PEAK1: variants seen among roughly 807,000 people sequenced by gnomAD.
The protein encoded by PEAK1 is pseudopodium enriched atypical kinase 1, also known as inactive tyrosine-protein kinase PEAK1.
In PEAK1, 54 loss-of-function variants were observed where a neutral mutation model predicts 124.7. The observed-to-expected ratio is 0.43, with a 90% CI of 0.35 to 0.54. PEAK1 has a LOEUF of 0.54. Among genes scored for constraint, PEAK1 ranks in the 20% least tolerant of loss-of-function variants. PEAK1 has a pLI of 0.01. For missense variants in PEAK1, 2,046 were observed against 2,134.5 expected, an observed-to-expected ratio of 0.96 and a Z score of 0.82; for synonymous variants, 719 against 760.0, an observed-to-expected ratio of 0.95 and a Z score of 0.89.
intron 2 of PEAK1, among the ~76,000 whole-genome samples, chr15:77,357,260 A>G (rs546619622): frequency 6.2e-4 from 95 of 152,272 alleles, no homozygotes; most frequent in Non-Finnish European, 1.2e-3. Flanking sequence ...ACAGAGTAAG[A>G]CACTGTTTTT....
In PEAK1 at chr15:77,283,870, G is replaced by A. The variant is rs1461557200; in HGVS notation, c.-275+13C>T. 1 of 973,654 alleles carries A rather than the reference G, an allele frequency of 1.0e-6. No individual in the cohort carries two copies. Among genetic ancestry groups the A allele is most frequent in the African/African-American group, 1.8e-5 (1 of 56,956 alleles). The allele number at this position is 973,654 out of a possible 1,614,324, so 60.3% of individuals were successfully genotyped here. ...AATCAACTCATAGACCTTATTACTTGCCACTTCCTTACCTCTTTGTTACTG... is the reference window on the plus strand; with the variant it reads ...AATCAACTCATAGACCTTATTACTTACCACTTCCTTACCTCTTTGTTACTG... On this transcript the variant is annotated intron_variant, in intron 5 of 9. Transcript: ENST00000682557.
chr15:77,196,820 C>T (rs1387889852), intron 6 of PEAK1, among the ~76,000 whole-genome samples: 1 of 151,994 alleles, frequency 6.6e-6, no homozygotes, highest in Non-Finnish European at 1.5e-5. Context: ...AAACAATATA[C>T]TTTAACCTTC....
At chr15:77,128,081 G>GA (rs753604137) in intron 9 of PEAK1, among the ~76,000 whole-genome samples, 6,098 of 84,634 alleles carry the variant, frequency 0.072, 134 homozygotes, top group Non-Finnish European at 0.086. Flanking sequence ...TCCATCTCAA[G>GA]AAAAAAAAAA....
rs564788307 is a variant in PEAK1 at position 77,171,680 on chromosome 15, A to G, written c.3137+7110T>C. Reference sequence around the variant, plus strand: ...AGTTTCAGATAGCTAGAAGGAGGATACTGAATGTTGCCAACATGAAGAAAT... The same window carrying G: ...AGTTTCAGATAGCTAGAAGGAGGATGCTGAATGTTGCCAACATGAAGAAAT... On this transcript the variant is annotated intron_variant, in intron 7 of 9. Transcript: ENST00000682557. Among the ~76,000 whole-genome samples the G allele has an allele frequency of 2.0e-5, 3 of 152,286 alleles. No homozygotes were observed. In the East Asian group the frequency reaches 5.8e-4, roughly 29 times the overall value.
chr15:77,126,398 C>G (rs2052376720), intron 9 of PEAK1, among the ~76,000 whole-genome samples: 1 of 152,076 alleles, frequency 6.6e-6, no homozygotes, highest in African/African-American at 2.4e-5. Context: ...TTGAAGCTGT[C>G]TGTAGCTTTC....
rs777763996 is a variant in PEAK1 at position 77,180,558 on chromosome 15, C to T, written c.1369G>A (p.Glu457Lys). 1.1e-5 allele frequency: 17 copies of T among 1,614,016 alleles called. No homozygotes were observed. The highest frequency in any genetic ancestry group is 1.4e-5 in the Non-Finnish European group (17 of 1,180,020). The change falls in exon 7 of 10, where the codon GAG becomes AAG. Residue 457 changes from glutamate (E) to lysine (K), a missense_variant. By Grantham distance (56) the Glu-to-Lys change is moderately conservative. Transcript: ENST00000682557. Reference protein sequence around the residue: ...AVTINLVPTEEQAKPYRVVNL... With the variant: ...AVTINLVPTEKQAKPYRVVNL... ...ACAACTCGGTAAGGTTTTGCTTGCT[C>T]TTCTGTGGGGACAAGGTTTATGGTT... is the stretch of plus-strand genomic sequence containing the variant.
intron 2 of PEAK1, among the ~76,000 whole-genome samples, chr15:77,311,696 A>AAG (rs2064466589): frequency 6.6e-6 from 1 of 151,344 alleles, no homozygotes; most frequent in Non-Finnish European, 1.5e-5. Context: ...AAAAAAAAAA[A>AAG]AAAAAAAAAA....
chr15:77,234,562 A>C (rs1431993332), intron 6 of PEAK1, among the ~76,000 whole-genome samples: 2 of 152,220 alleles, frequency 1.3e-5, no homozygotes, highest in Non-Finnish European at 1.5e-5. Flanking sequence ...CCAGAAAGAA[A>C]AGGTGTTAAT....
intron 2 of PEAK1, among the ~76,000 whole-genome samples, chr15:77,355,178 C>T (rs543141011): frequency 1.3e-5 from 2 of 151,996 alleles, no homozygotes; most frequent in African/African-American, 2.4e-5. Context: ...GGATTTATAA[C>T]GGAAAGTAGC....
intron 5 of PEAK1, among the ~76,000 whole-genome samples, chr15:77,273,584 G>T (rs2062149866): frequency 6.6e-6 from 1 of 151,688 alleles, no homozygotes; most frequent in Non-Finnish European, 1.5e-5. Context: ...GAAAGTGAAA[G>T]ACCTCTGCAA....
chr15:77,283,010 T>C (rs941470526), intron 5 of PEAK1, among the ~76,000 whole-genome samples: 3 of 152,204 alleles, frequency 2.0e-5, no homozygotes, highest in African/African-American at 4.8e-5. Context: ...GTATCAAATA[T>C]CATTTTGAAT....
chr15:77,362,550 A>T (rs1178753933), intron 2 of PEAK1, among the ~76,000 whole-genome samples: 1 of 152,194 alleles, frequency 6.6e-6, no homozygotes, highest in Admixed American at 6.5e-5. Context: ...ACCCTCATTC[A>T]TTGCTAGTAG....
chr15:77,211,949 CTGG>C (rs920282417), intron 6 of PEAK1, among the ~76,000 whole-genome samples: 2 of 150,786 alleles, frequency 1.3e-5, no homozygotes, highest in African/African-American at 4.9e-5. Flanking sequence ...GTTTCCTTCT[CTGG>C]TGTTTTCATA....
rs533188434 is a variant in PEAK1 at position 77,346,416 on chromosome 15, A to T, written c.-603+18747T>A. The stretch of plus-strand genomic sequence containing the variant: ...TATGAGAAGGCAATTTCATTTTGCT[A>T]GGATGACAGTGATCAGTCCCTTGGG... On this transcript the variant is annotated intron_variant, in intron 2 of 9. Transcript: ENST00000682557. The T allele has an allele frequency of 5.1e-6, 5 of 971,388 alleles. No individual in the cohort carries two copies. The South Asian group carries it at 2.4e-4, about 46-fold the overall frequency. The allele number at this position is 971,388 out of a possible 1,614,324, so 60.2% of individuals were successfully genotyped here.
At chr15:77,247,480 C>CTT (rs1567162937) in intron 6 of PEAK1, among the ~76,000 whole-genome samples, 36 of 78,180 alleles carry the variant, frequency 4.6e-4, no homozygotes, top group African/African-American at 8.6e-4. Flanking sequence ...TTTTTCTTTT[C>CTT]TTTTCTTTTT....
At chr15:77,175,549 T>G (rs557915681) in intron 7 of PEAK1, among the ~76,000 whole-genome samples, 116 of 151,942 alleles carry the variant, frequency 7.6e-4, no homozygotes, top group African/African-American at 2.8e-3. Context: ...AAAACCACAA[T>G]GAGATACCAT....
intron 9 of PEAK1, among the ~76,000 whole-genome samples, 172 bp downstream of exon 9, chr15:77,132,833 T>C (rs1337441594): frequency 6.6e-6 from 1 of 152,064 alleles, no homozygotes; most frequent in African/African-American, 2.4e-5. Flanking sequence ...GTATCTGTTT[T>C]CTTTAAATAA....
chr15:77,369,854 T>C (rs966010393), intron 1 of PEAK1, among the ~76,000 whole-genome samples: 1 of 152,090 alleles, frequency 6.6e-6, no homozygotes, highest in African/African-American at 2.4e-5. Context: ...GGATCTACTG[T>C]ATCCTGGGTC....
intron 6 of PEAK1, among the ~76,000 whole-genome samples, chr15:77,190,380 A>G (rs1444788917): frequency 6.6e-6 from 1 of 152,208 alleles, no homozygotes. Flanking sequence ...TTATTTTCTT[A>G]ATGGTTGTAA....
Sources: gnomAD v4.1 joint callset for allele counts (sites outside exome capture counted in the v4.1 genomes callset) on GRCh38, gnomAD v4.1.1 for gene constraint, MANE v1.5 for transcripts, NCBI Gene and HGNC (gene_info 2026-07-23, HGNC 2026-07-21) for gene names.